Variants in SLC44A3 observed in about 807,000 individuals in gnomAD.
SLC44A3 encodes choline transporter-like protein 3.
Under a neutral mutation model 75.4 loss-of-function variants are expected in SLC44A3, and 74 were observed. The observed-to-expected ratio is 0.98, with a 90% CI of 0.81 to 1.19. The LOEUF is 1.19. SLC44A3 is among the 50% of genes most tolerant of loss of function. SLC44A3 has a pLI of 0.00. For missense variants in SLC44A3, 700 were observed against 778.6 expected, an observed-to-expected ratio of 0.90 and a Z score of 1.20; for synonymous variants, 310 against 296.9, an observed-to-expected ratio of 1.04 and a Z score of -0.45.
chr1:94,862,557 C>T (rs561491146), intron 10 of SLC44A3, among the ~76,000 whole-genome samples: 4 of 152,308 alleles, frequency 2.6e-5, no homozygotes, highest in South Asian at 2.1e-4. Context: ...CAACTGGCTT[C>T]GTTGTTCTGG....
Position 94,891,232 on chromosome 1 carries a change from A to G in SLC44A3, c.1585A>G (p.Asn529Asp). ...SKNSSHFTSI[N>D]CFGDFIIFLG... ...GAACTCAAGTCACTTTACATCTATT[A>G]ACTGCTTTGGAGACTTCATAATTTT... The change falls in exon 13 of 15, where the codon AAC (asparagine) becomes GAC (aspartate). Residue 529 changes from asparagine to aspartate, a missense_variant. Asn to Asp is a conservative substitution (Grantham distance 23). Transcript: ENST00000271227. 2 of 1,613,280 alleles carry G rather than the reference A, an allele frequency of 1.2e-6. No individual in the cohort carries two copies. Among genetic ancestry groups the G allele is most frequent in the Non-Finnish European group, 1.7e-6 (2 of 1,179,672 alleles).
intron 9 of SLC44A3, among the ~76,000 whole-genome samples, chr1:94,848,868 T>C (rs1293386868): frequency 1.3e-5 from 2 of 152,068 alleles, no homozygotes; most frequent in Non-Finnish European, 2.9e-5. Flanking sequence ...GAGGGCTTCT[T>C]AGAGGGCAGG....
chr1:94,894,844 A>T lies in SLC44A3; in HGVS notation c.1884A>T (p.Leu628Phe). 6.2e-7 allele frequency: 1 copy of T among 1,611,810 alleles called. No individual in the cohort carries two copies. The highest frequency in any genetic ancestry group is 1.3e-5 in the African/African-American group (1 of 74,864). ...FLSFVKRSNK[L>F]NNARAQQDKH... ...GTTTCGTAAAAAGGAGCAACAAATT[A>T]AACAATGCAAGGGCACAGCAGGACA... The change falls in exon 15 of 15, where the codon TTA becomes TTT. Residue 628 changes from leucine (L) to phenylalanine (F), a missense_variant. Physicochemically the swap from Leu to Phe is conservative, Grantham distance 22. Transcript: ENST00000271227.
chr1:94,891,586 A>G (rs945107009), intron 13 of SLC44A3, among the ~76,000 whole-genome samples: 26 of 152,176 alleles, frequency 1.7e-4, no homozygotes, highest in African/African-American at 6.3e-4. Flanking sequence ...AATCTCAGAA[A>G]ATGAACGTTT....
At chr1:94,840,417 G>A (rs984760348) in intron 7 of SLC44A3, among the ~76,000 whole-genome samples, 1 of 150,144 alleles carries the variant, frequency 6.7e-6, no homozygotes, top group Non-Finnish European at 1.5e-5. Context: ...AGCCCCCCAG[G>A]TAGCTGGAAT....
At position 94,845,410 on chromosome 1, in the gene SLC44A3, C is replaced by G; in HGVS notation, c.1018C>G (p.Leu340Val). 6.2e-7 allele frequency: 1 copy of G among 1,614,018 alleles called. No individual in the cohort carries two copies. Among genetic ancestry groups the G allele is most frequent in the Non-Finnish European group, 8.5e-7 (1 of 1,180,034 alleles). ...LFQPLWTFAILIFFWVLWVAV... is the reference protein window; with the variant it reads ...LFQPLWTFAIVIFFWVLWVAV... ...CCAGCCACTGTGGACATTTGCCATC[C>G]TCATTTTCTTCTGGGTCCTCTGGGT... Residue 340 changes from leucine to valine, a missense_variant, in exon 9 of 15, where the codon CTC (leucine) becomes GTC (valine). Coordinates refer to ENST00000271227, the MANE Select transcript of SLC44A3 (RefSeq NM_001114106.3).
chr1:94,840,082 A>T (rs367672817), intron 7 of SLC44A3, 45 bp downstream of exon 7: 26 of 1,517,730 alleles, frequency 1.7e-5, no homozygotes, highest in Non-Finnish European at 2.3e-5. Context: ...ATTAAATGAA[A>T]AGCCTTTACA....
intron 12 of SLC44A3, among the ~76,000 whole-genome samples, chr1:94,881,431 G>C (rs1047192087): frequency 6.6e-6 from 1 of 152,180 alleles, no homozygotes; most frequent in Non-Finnish European, 1.5e-5. Flanking sequence ...TCGGCCAGGC[G>C]CGGTGGCTGA....
intron 14 of SLC44A3, 34 bp from the exon 15 acceptor site, chr1:94,894,784 T>G: frequency 1.3e-6 from 2 of 1,562,950 alleles, no homozygotes; most frequent in Admixed American, 3.5e-5. Flanking sequence ...TACAGACACA[T>G]AATACTATTC....
At chr1:94,849,192 A>C (rs1664864616) in intron 9 of SLC44A3, among the ~76,000 whole-genome samples, 1 of 152,142 alleles carries the variant, frequency 6.6e-6, no homozygotes, top group Non-Finnish European at 1.5e-5. Context: ...AGGATCACAC[A>C]GTGAAGTGTG....
At chr1:94,836,438 C>T (rs1448048572) in intron 5 of SLC44A3, among the ~76,000 whole-genome samples, 1 of 152,236 alleles carries the variant, frequency 6.6e-6, no homozygotes, top group African/African-American at 2.4e-5. Context: ...TGAGCACCCA[C>T]TGTTCATAGC....
At chr1:94,877,431 C>T (rs1486078761) in intron 12 of SLC44A3, among the ~76,000 whole-genome samples, 1 of 152,040 alleles carries the variant, frequency 6.6e-6, no homozygotes, top group African/African-American at 2.4e-5. Context: ...GGGGAATGAG[C>T]ACAGAGCCCG....
At chr1:94,866,478 A>G (rs1329592686) in intron 11 of SLC44A3, among the ~76,000 whole-genome samples, 1 of 152,188 alleles carries the variant, frequency 6.6e-6, no homozygotes, top group East Asian at 1.9e-4. Flanking sequence ...TTTCTTCCTC[A>G]GCAGCCTTAC....
At chr1:94,891,010 G>T in intron 12 of SLC44A3, 120 bp from the exon 13 acceptor site, 1 of 750,190 alleles carries the variant, frequency 1.3e-6, no homozygotes, top group South Asian at 2.8e-5. Context: ...AATGGTATTT[G>T]TTATGGGTAG....
Position 94,845,306 on chromosome 1 carries a change from T to G in SLC44A3, c.914T>G (p.Leu305Arg). 1 of 1,612,364 alleles carries G rather than the reference T, an allele frequency of 6.2e-7. No individual in the cohort carries two copies. The highest frequency in any genetic ancestry group is 2.2e-5 in the East Asian group (1 of 44,866). ...TAVLLVLIFV[L>R]RKRIKLTVEL... ...GTGCTGCTCGTCTTGATTTTTGTTC[T>G]CAGAAAGAGAATAAAATTGACAGTT... The change falls in exon 9 of 15, where the codon CTC becomes CGC. Residue 305 changes from leucine to arginine, a missense_variant. Physicochemically the swap from Leu to Arg is moderately radical, Grantham distance 102. Transcript: ENST00000271227.
chr1:94,878,301 C>T (rs1027975061), intron 12 of SLC44A3, among the ~76,000 whole-genome samples: 1 of 151,878 alleles, frequency 6.6e-6, no homozygotes, highest in African/African-American at 2.4e-5. Flanking sequence ...CCAAAGAATG[C>T]GAGGCTCCTG....
At position 94,890,707 on chromosome 1, in the gene SLC44A3, G is replaced by T. The variant is rs113505469; in HGVS notation, c.1483-423G>T. On this transcript the variant is annotated intron_variant, in intron 12 of 14. Coordinates refer to ENST00000271227, the MANE Select transcript of SLC44A3 (RefSeq NM_001114106.3). The stretch of plus-strand genomic sequence containing the variant: ...GCATTAAAAAATAACTTATCGCCAG[G>T]GTGGTGGCTCTCGCCTGTAATCCCA... 8.5e-5 allele frequency among the ~76,000 whole-genome samples: 13 copies of T among 152,246 alleles called. 2 individuals are homozygous for T. Among genetic ancestry groups the T allele is most frequent in the African/African-American group, 3.1e-4 (13 of 41,554 alleles).
At chr1:94,863,146 G>GA (rs938535867) in intron 10 of SLC44A3, among the ~76,000 whole-genome samples, 1 of 152,090 alleles carries the variant, frequency 6.6e-6, no homozygotes, top group Admixed American at 6.6e-5. Context: ...GGCTTGGGTT[G>GA]AAAGGGCCCT....
intron 12 of SLC44A3, among the ~76,000 whole-genome samples, chr1:94,868,037 T>C (rs1667365244): frequency 6.6e-6 from 1 of 152,220 alleles, no homozygotes; most frequent in Non-Finnish European, 1.5e-5. Flanking sequence ...TTCACCAGTC[T>C]TTCCTTTTCA....
Sources: gnomAD v4.1 joint callset for allele counts (sites outside exome capture counted in the v4.1 genomes callset) on GRCh38, gnomAD v4.1.1 for gene constraint, MANE v1.5 for transcripts, NCBI Gene and HGNC (gene_info 2026-07-23, HGNC 2026-07-21) for gene names.